The following MPPED1 variants were observed in gnomAD, a reference collection of about 807,000 sequenced individuals.
The protein encoded by MPPED1 is metallophosphoesterase domain containing 1, also known as metallophosphoesterase domain-containing protein 1.
MPPED1 carries 16 observed loss-of-function variants against 36.2 expected under a neutral mutation model. That is an observed-to-expected ratio of 0.44 (90% CI 0.30 to 0.67). The LOEUF is 0.67. Among genes scored for constraint, MPPED1 ranks in the 30% least tolerant of loss-of-function variants. The pLI is 0.10. For synonymous variants in MPPED1, 199 were observed against 191.3 expected, an observed-to-expected ratio of 1.04 and a Z score of -0.33; for missense variants, 307 against 453.4, an observed-to-expected ratio of 0.68 and a Z score of 2.93.
In MPPED1 at chr22:43,507,641, G is replaced by A. The variant is rs1932832558; in HGVS notation, c.*2025G>A. ...AAACTTAAAAAAATTTTTTTCCTAA[G>A]GTATCTTCAGAATATGGTGTATTTT... On this transcript the variant is annotated 3_prime_UTR_variant, in exon 7 of 7. Transcript: ENST00000443721. 2 of 152,118 alleles carry A rather than the reference G, an allele frequency of 1.3e-5. No homozygotes were observed. Among genetic ancestry groups the A allele is most frequent in the African/African-American group, 4.8e-5 (2 of 41,416 alleles). The allele number at this position is 152,118 out of a possible 1,614,324, so 9.4% of individuals were successfully genotyped here.
intron 1 of MPPED1, among the ~76,000 whole-genome samples, chr22:43,420,408 A>ATT (rs5845607): frequency 1.4e-5 from 2 of 141,642 alleles, no homozygotes; most frequent in Non-Finnish European, 3.1e-5. Context: ...TCAGATAGAC[A>ATT]TTTTTTTTTT....
chr22:43,444,874 G>GT (rs1264200422), intron 3 of MPPED1, among the ~76,000 whole-genome samples: 1 of 152,164 alleles, frequency 6.6e-6, no homozygotes, highest in Non-Finnish European at 1.5e-5. Context: ...GTGTCAAAGA[G>GT]TTGGAGATAG....
chr22:43,425,120 C>G lies in MPPED1; in HGVS notation c.135C>G (p.Ile45Met), dbSNP rs568310548. 4 of 1,613,842 alleles carry G rather than the reference C, an allele frequency of 2.5e-6. No homozygotes were observed. Among genetic ancestry groups the G allele is most frequent in the Non-Finnish European group, 2.5e-6 (3 of 1,179,888 alleles). The change falls in exon 2 of 7, where the codon ATC (isoleucine) becomes ATG (methionine). Residue 45 changes from isoleucine (I) to methionine (M), a missense_variant. By Grantham distance (10) the Ile-to-Met change is conservative. Transcript: ENST00000443721. Reference sequence around the variant, plus strand: ...GGCACCAGCACAGCCGGCTCATCATCGAGGTGGACGAGTACAGCTCCAACC... The same window carrying G: ...GGCACCAGCACAGCCGGCTCATCATGGAGGTGGACGAGTACAGCTCCAACC... ...ARRHQHSRLI[I>M]EVDEYSSNPT... is the part of the protein sequence containing the mutation.
intron 4 of MPPED1, 72 bp from the exon 5 acceptor site, chr22:43,498,163 G>T: frequency 1.6e-6 from 2 of 1,242,618 alleles, no homozygotes; most frequent in Non-Finnish European, 2.2e-6. Context: ...GGCCCGTGGG[G>T]AGCTCCGCAT....
chr22:43,475,094 C>G (rs1931502473), intron 4 of MPPED1, 133 bp downstream of exon 4: 1 of 754,936 alleles, frequency 1.3e-6, no homozygotes, highest in Admixed American at 2.5e-5. Flanking sequence ...TGACCCCTTA[C>G]CCTCTGTGTG....
At chr22:43,428,228 C>A (rs116774756) in intron 2 of MPPED1, among the ~76,000 whole-genome samples, 1,616 of 152,294 alleles carry the variant, frequency 0.011, 34 homozygotes, top group African/African-American at 0.037. Context: ...TCACACCTGG[C>A]CTGCCCCACC....
intron 1 of MPPED1, among the ~76,000 whole-genome samples, chr22:43,414,556 A>C (rs767906106): frequency 6.6e-6 from 1 of 152,230 alleles, no homozygotes; most frequent in East Asian, 1.9e-4. Flanking sequence ...TTAATCAGCC[A>C]GGCAAAGACT....
intron 3 of MPPED1, among the ~76,000 whole-genome samples, chr22:43,452,003 T>A (rs1601970519): frequency 6.6e-6 from 1 of 151,766 alleles, no homozygotes; most frequent in East Asian, 1.9e-4. Context: ...CACCTCCCTA[T>A]ATTTTTCTTT....
chr22:43,495,030 A>G (rs1932214842), intron 4 of MPPED1, among the ~76,000 whole-genome samples: 1 of 152,172 alleles, frequency 6.6e-6, no homozygotes, highest in Non-Finnish European at 1.5e-5. Flanking sequence ...TCCTAGTACT[A>G]GCACCTTGGG....
At chr22:43,428,224 C>T (rs1929549882) in intron 2 of MPPED1, among the ~76,000 whole-genome samples, 1 of 152,186 alleles carries the variant, frequency 6.6e-6, no homozygotes, top group South Asian at 2.1e-4. Flanking sequence ...GGATTCACAC[C>T]TGGCCTGCCC....
intron 6 of MPPED1, 57 bp from the exon 7 acceptor site, chr22:43,505,441 C>G (rs1249812900): frequency 6.7e-7 from 1 of 1,500,506 alleles, no homozygotes; most frequent in African/African-American, 1.4e-5. Flanking sequence ...GCCACACCCC[C>G]CTGGCCACCC....
Position 43,463,807 on chromosome 22 carries a change from TTTTCTTTCTTTCTTTCTTTCTTTC to T in MPPED1, c.407-10883_407-10860del, listed in dbSNP as rs695374. Among the ~76,000 whole-genome samples, 796 of 112,988 alleles carry T rather than the reference TTTTCTTTCTTTCTTTCTTTCTTTC, an allele frequency of 7.0e-3. 11 individuals are homozygous for T. The highest frequency in any genetic ancestry group is 0.019 in the African/African-American group (548 of 29,326). 74.1% of individuals were successfully genotyped at this position (112,988 alleles called of 152,430 possible). A position where few individuals can be genotyped will look rare whatever the true frequency, so the allele number is the denominator to read the frequency against. ...ACTGTGGTTGATTTTTCATTTTTTCTTTTCTTTCTTTCTTTCTTTCTTTCTTTCTTTCTTTCTTTCTTTCTTTCT... is the reference window on the plus strand; with the variant it reads ...ACTGTGGTTGATTTTTCATTTTTTCTTTTCTTTCTTTCTTTCTTTCTTTCT... On this transcript the variant is annotated intron_variant, in intron 3 of 6. Coordinates refer to ENST00000443721, the MANE Select transcript of MPPED1 (RefSeq NM_001044370.2).
intron 3 of MPPED1, among the ~76,000 whole-genome samples, chr22:43,456,779 A>T (rs1467048027): frequency 6.6e-6 from 1 of 152,164 alleles, no homozygotes; most frequent in Non-Finnish European, 1.5e-5. Context: ...TACAGGCGTG[A>T]GCCACCGCAC....
intron 3 of MPPED1, among the ~76,000 whole-genome samples, chr22:43,451,840 G>A (rs1930579731): frequency 6.6e-6 from 1 of 152,112 alleles, no homozygotes; most frequent in African/African-American, 2.4e-5. Flanking sequence ...CCTCCCCTTT[G>A]TCTGTCCGAG....
chr22:43,482,129 A>G (rs540563957), intron 4 of MPPED1, among the ~76,000 whole-genome samples: 46 of 152,190 alleles, frequency 3.0e-4, no homozygotes, highest in Non-Finnish European at 5.7e-4. Flanking sequence ...CCCAAGTGTT[A>G]AAAAAAATCC....
chr22:43,500,290 GGGTGGTGGT>G (rs1932665469), intron 5 of MPPED1, among the ~76,000 whole-genome samples: 1 of 9,040 alleles, frequency 1.1e-4, no homozygotes, highest in Non-Finnish European at 2.1e-4. Flanking sequence ...GTGGTGATGG[GGGTGGTGGT>G]GGTGATGGTG....
At chr22:43,418,286 G>C in intron 1 of MPPED1, 1 of 381,702 alleles carries the variant, frequency 2.6e-6, no homozygotes, top group Admixed American at 3.0e-5. Flanking sequence ...AGTTTGAGAG[G>C]CCTGTGTTGG....
intron 4 of MPPED1, among the ~76,000 whole-genome samples, chr22:43,495,869 A>G (rs374111881): frequency 0.27 from 388 of 1,418 alleles, no homozygotes; most frequent in East Asian, 0.47. Context: ...GGTGGTGGAG[A>G]TGGTGGTGGT....
At chr22:43,452,062 G>C (rs2006262) in intron 3 of MPPED1, among the ~76,000 whole-genome samples, 8,710 of 150,564 alleles carry the variant, frequency 0.058, 517 homozygotes, top group African/African-American at 0.13. Flanking sequence ...CTGTTGCCCA[G>C]GCTGGAGTGC....
Sources: allele counts gnomAD v4.1 joint callset (sites outside exome capture counted in the v4.1 genomes callset), GRCh38; gene constraint gnomAD v4.1.1; transcripts MANE v1.5; gene names NCBI Gene and HGNC (gene_info 2026-07-23, HGNC 2026-07-21).